The following SLCO3A1 variants were observed in gnomAD, a reference collection of about 807,000 sequenced individuals.
SLCO3A1 encodes solute carrier organic anion transporter family member 3A1, also known as PGE1 transporter.
SLCO3A1 carries 27 observed loss-of-function variants against 63.1 expected under a neutral mutation model. The ratio of observed to expected loss-of-function variants is 0.43; its 90% CI spans 0.32 to 0.59. SLCO3A1 has a LOEUF of 0.59. Among genes scored for constraint, SLCO3A1 ranks in the 20% least tolerant of loss-of-function variants. The probability of loss-of-function intolerance (pLI) is 0.09; values close to 1 mark genes in which losing one functional copy is unlikely to be tolerated. For missense variants in SLCO3A1, 773 were observed against 945.8 expected, an observed-to-expected ratio of 0.82 and a Z score of 2.40; for synonymous variants, 473 against 409.9, an observed-to-expected ratio of 1.15 and a Z score of -1.86.
At position 92,103,971 on chromosome 15, in the gene SLCO3A1, G is replaced by A. The variant is rs569786299; in HGVS notation, c.746-308G>A. ...CTTGTGCTTCTTTCAGTACACCTTAGCAGTGCTGCCAAGCCAGTTTTAGCC... is the reference window on the plus strand; with the variant it reads ...CTTGTGCTTCTTTCAGTACACCTTAACAGTGCTGCCAAGCCAGTTTTAGCC... On this transcript the variant is annotated intron_variant, in intron 3 of 9. Transcript: ENST00000318445. Among the ~76,000 whole-genome samples the A allele has an allele frequency of 2.0e-5, 3 of 152,298 alleles. No homozygotes were observed. In the South Asian group the frequency reaches 6.2e-4, roughly 32 times the overall value.
intron 2 of SLCO3A1, among the ~76,000 whole-genome samples, chr15:92,015,250 T>A (rs935602865): frequency 3.9e-5 from 6 of 152,132 alleles, no homozygotes; most frequent in Admixed American, 3.3e-4. Flanking sequence ...TCCATTTTCA[T>A]ACTGCTGTGA....
At position 91,941,325 on chromosome 15, in the gene SLCO3A1, T is replaced by C; in HGVS notation, c.646+24867T>C. On this transcript the variant is annotated intron_variant, in intron 2 of 9. Transcript: ENST00000318445. The surrounding 1 kb of genome is among the most constrained non-coding windows in gnomAD (Gnocchi z 4.4). Reference sequence around the variant, plus strand: ...GGGTGGGAGAGAGACACTGAATCAGTGCATGAGTGACCAGCTAGGACTGAG... The same window carrying C: ...GGGTGGGAGAGAGACACTGAATCAGCGCATGAGTGACCAGCTAGGACTGAG... 1 of 347,052 alleles carries C rather than the reference T, an allele frequency of 2.9e-6. No homozygotes were observed. The highest frequency in any genetic ancestry group is 5.7e-6 in the Non-Finnish European group (1 of 176,694). The allele number at this position is 347,052 out of a possible 1,614,324, so 21.5% of individuals were successfully genotyped here. A position where few individuals can be genotyped will look rare whatever the true frequency, so the allele number is the denominator to read the frequency against.
Position 92,063,662 on chromosome 15 carries a change from CA to C in SLCO3A1, c.647-31217del, listed in dbSNP as rs2047113109. On this transcript the variant is annotated intron_variant, in intron 2 of 9. Transcript: ENST00000318445. Reference sequence around the variant, plus strand: ...ATCAGGAGTTTGAGACCAGCCTGACCAATATGGTGGAACCCTGTCTCTACTA... The same window carrying C: ...ATCAGGAGTTTGAGACCAGCCTGACCATATGGTGGAACCCTGTCTCTACTA... Among the ~76,000 whole-genome samples the C allele has an allele frequency of 1.3e-5, 2 of 152,092 alleles. 1 individual carries two copies. The highest frequency in any genetic ancestry group is 2.9e-5 in the Non-Finnish European group (2 of 68,020).
At chr15:92,063,522 A>G (rs569409300) in intron 2 of SLCO3A1, among the ~76,000 whole-genome samples, 1 of 152,340 alleles carries the variant, frequency 6.6e-6, no homozygotes, top group African/African-American at 2.4e-5. Flanking sequence ...GAAATTAGTT[A>G]AACTCCACCT....
At chr15:92,149,170 A>G (rs962458242) in intron 8 of SLCO3A1, 2 of 152,374 alleles carry the variant, frequency 1.3e-5, no homozygotes, top group African/African-American at 4.8e-5. Context: ...AGTTTGTTGA[A>G]ATTCTTAATC....
At chr15:92,038,064 C>G (rs2046749656) in intron 2 of SLCO3A1, among the ~76,000 whole-genome samples, 1 of 152,150 alleles carries the variant, frequency 6.6e-6, no homozygotes, top group Non-Finnish European at 1.5e-5. Context: ...ATGAAGGTCA[C>G]AGAAGAGCAG....
intron 2 of SLCO3A1, among the ~76,000 whole-genome samples, chr15:92,070,641 ACTTTTTTT>A (rs1241064996): frequency 3.3e-5 from 2 of 60,638 alleles, no homozygotes; most frequent in African/African-American, 5.1e-5. Context: ...AACACTCTAG[ACTTTTTTT>A]TTTTTTTTTT....
chr15:91,980,011 T>G (rs946882502), intron 2 of SLCO3A1, among the ~76,000 whole-genome samples: 3 of 152,214 alleles, frequency 2.0e-5, no homozygotes, highest in African/African-American at 7.2e-5. Context: ...AATCTAGAGC[T>G]TCACCATCCG....
chr15:92,162,638 G>C lies in SLCO3A1; in HGVS notation c.1754-118G>C, dbSNP rs1202268182. ...CGCTTTGCCTCCTGAGCATGTCTTTGAGCCACGGAGTCAGACATATTTGCC... is the reference window on the plus strand; with the variant it reads ...CGCTTTGCCTCCTGAGCATGTCTTTCAGCCACGGAGTCAGACATATTTGCC... On this transcript the variant is annotated intron_variant, in intron 9 of 9. Transcript: ENST00000318445. 3 of 1,476,834 alleles carry C rather than the reference G, an allele frequency of 2.0e-6. No homozygotes were observed. The African/African-American group carries it at 4.2e-5, about 21-fold the overall frequency. The allele number at this position is 1,476,834 out of a possible 1,614,324, so 91.5% of individuals were successfully genotyped here.
intron 1 of SLCO3A1, among the ~76,000 whole-genome samples, chr15:91,906,494 C>A (rs1033229822): frequency 1.3e-5 from 2 of 152,174 alleles, no homozygotes; most frequent in African/African-American, 4.8e-5. Context: ...TGACAGGAAG[C>A]CGGGGCCCTA....
rs1247437849 is a variant in SLCO3A1, at chr15:91,886,223, G to A, written c.181-29770G>A. Among the ~76,000 whole-genome samples, 1 of 152,162 alleles carries A rather than the reference G, an allele frequency of 6.6e-6. No individual in the cohort carries two copies. The highest frequency in any genetic ancestry group is 1.5e-5 in the Non-Finnish European group (1 of 68,022). ...TTGTGCAATGGAAAGTAGTAGCAGAGCACAAAAATCCACATTGGAAGCTTA... is the reference window on the plus strand; with the variant it reads ...TTGTGCAATGGAAAGTAGTAGCAGAACACAAAAATCCACATTGGAAGCTTA... On this transcript the variant is annotated intron_variant, in intron 1 of 9. Coordinates refer to ENST00000318445, the MANE Select transcript of SLCO3A1 (RefSeq NM_013272.4). The surrounding 1 kb of genome is among the most constrained non-coding windows in gnomAD (Gnocchi z 4.9).
intron 2 of SLCO3A1, among the ~76,000 whole-genome samples, chr15:92,043,717 A>G (rs1317361975): frequency 6.6e-6 from 1 of 152,150 alleles, no homozygotes; most frequent in African/African-American, 2.4e-5. Flanking sequence ...CTTTATTTCC[A>G]CATAATGACA....
intron 7 of SLCO3A1, among the ~76,000 whole-genome samples, chr15:92,144,843 G>C (rs74028823): frequency 0.012 from 1,884 of 152,288 alleles, 53 homozygotes; most frequent in African/African-American, 0.043. Flanking sequence ...TGCCTCACCC[G>C]TGCTCATGAG....
Position 92,154,482 on chromosome 15 carries a change from T to C in SLCO3A1, c.1753+3468T>C, listed in dbSNP as rs148027768. ...TTAATTTTATTAGTTTTCACATAAG[T>C]AGGTGGATGTGGCCAGTGTCTGCCA... On this transcript the variant is annotated intron_variant, in intron 9 of 9. Coordinates refer to ENST00000318445, the MANE Select transcript of SLCO3A1 (RefSeq NM_013272.4). Among the ~76,000 whole-genome samples the C allele has an allele frequency of 6.4e-4, 97 of 152,176 alleles. No individual in the cohort carries two copies. The East Asian group carries it at 0.013, about 20-fold the overall frequency.
At chr15:92,123,152 T>C (rs1417426769) in intron 5 of SLCO3A1, among the ~76,000 whole-genome samples, 1 of 152,200 alleles carries the variant, frequency 6.6e-6, no homozygotes, top group Non-Finnish European at 1.5e-5. Flanking sequence ...AGGCCAGGCG[T>C]GGTGGCTCAC....
chr15:92,142,835 T>G (rs1034050881), intron 7 of SLCO3A1, among the ~76,000 whole-genome samples: 2 of 152,104 alleles, frequency 1.3e-5, no homozygotes, highest in South Asian at 2.1e-4. Context: ...TTTAACACTT[T>G]TTAGGGCAGA....
At chr15:92,038,717 A>G (rs568972942) in intron 2 of SLCO3A1, among the ~76,000 whole-genome samples, 3 of 152,298 alleles carry the variant, frequency 2.0e-5, no homozygotes, top group Admixed American at 6.5e-5. Flanking sequence ...CCATCAAACT[A>G]CCATGGATAT....
chr15:91,965,876 C>G (rs1900640922), intron 2 of SLCO3A1, among the ~76,000 whole-genome samples: 1 of 152,068 alleles, frequency 6.6e-6, no homozygotes, highest in South Asian at 2.1e-4. Context: ...GCCAGTCCAG[C>G]CCTGAGGACA....
chr15:91,994,269 A>T (rs1667522305), intron 2 of SLCO3A1, among the ~76,000 whole-genome samples: 1 of 152,144 alleles, frequency 6.6e-6, no homozygotes, highest in African/African-American at 2.4e-5. Flanking sequence ...TGTTACTCTC[A>T]TTTTATACAT....
Sources: gnomAD v4.1 joint callset for allele counts (sites outside exome capture counted in the v4.1 genomes callset) on GRCh38, gnomAD v4.1.1 for gene constraint, Gnocchi (gnomAD v3.1) non-coding constraint, MANE v1.5 for transcripts, NCBI Gene and HGNC (gene_info 2026-07-23, HGNC 2026-07-21) for gene names.